GLIS3: variants seen among roughly 807,000 people sequenced by gnomAD.
GLIS3 encodes zinc finger protein GLIS3.
Under a neutral mutation model 78.6 loss-of-function variants are expected in GLIS3, and 53 were observed. That is an observed-to-expected ratio of 0.67 (90% CI 0.54 to 0.85). The LOEUF is 0.85. Ranked by LOEUF, GLIS3 falls within the 40% of genes least tolerant of loss-of-function variation. GLIS3 has a pLI of 0.00. For missense variants in GLIS3, 1,703 were observed against 1,231.1 expected, an observed-to-expected ratio of 1.38 and a Z score of -5.74; for synonymous variants, 684 against 509.9, an observed-to-expected ratio of 1.34 and a Z score of -4.60.
chr9:4,424,587 A>G, the GLIS3 span, among the ~76,000 whole-genome samples: 1 of 152,168 alleles, frequency 6.6e-6, no homozygotes, highest in East Asian at 1.9e-4. Context: ...TGTTTTTGAC[A>G]GAATTTCGCT....
At position 4,176,933 on chromosome 9, in the gene GLIS3, G is replaced by A. The variant is rs73396446; in HGVS notation, c.389-50992C>T. Among the ~76,000 whole-genome samples the A allele has an allele frequency of 4.7e-3, 711 of 152,250 alleles. 10 individuals carry two copies. The highest frequency in any genetic ancestry group is 0.016 in the African/African-American group (662 of 41,556). ...GCCACCATGCCCGGCCTCTTTTACC[G>A]TATTTCAAATGGTTTTTTCAGGACC... On this transcript the variant is annotated intron_variant, in intron 2 of 10. Transcript: ENST00000381971.
At chr9:4,381,009 T>A in the GLIS3 span, among the ~76,000 whole-genome samples, 1 of 151,920 alleles carries the variant, frequency 6.6e-6, no homozygotes, top group Non-Finnish European at 1.5e-5. Context: ...GGCCAGAGGG[T>A]AAGTAGTCTC....
the GLIS3 span, among the ~76,000 whole-genome samples, chr9:4,359,659 T>G: frequency 6.6e-6 from 1 of 152,208 alleles, no homozygotes; most frequent in African/African-American, 2.4e-5. Context: ...AATTTAATTT[T>G]AGAACTAAAA....
In GLIS3 at chr9:4,053,330, G is replaced by C. The variant is rs1825874227; in HGVS notation, c.1710+64438C>G. On this transcript the variant is annotated intron_variant, in intron 4 of 10. Coordinates refer to ENST00000381971, the MANE Select transcript of GLIS3 (RefSeq NM_001042413.2). ...GCAATAGCTTCTCCTTATCATCCAG[G>C]CCCAGCTCACTGACCACCTCCTGAG... Among the ~76,000 whole-genome samples, 3 of 152,002 alleles carry C rather than the reference G, an allele frequency of 2.0e-5. No individual in the cohort carries two copies. The South Asian group carries it at 6.2e-4, about 32-fold the overall frequency.
At chr9:4,030,714 A>G (rs1473069860) in intron 4 of GLIS3, among the ~76,000 whole-genome samples, 3 of 152,222 alleles carry the variant, frequency 2.0e-5, no homozygotes, top group African/African-American at 7.2e-5. Flanking sequence ...GGCACCTTTG[A>G]CCCCATCCCT....
intron 4 of GLIS3, among the ~76,000 whole-genome samples, chr9:4,043,986 G>A (rs1348241356): frequency 1.3e-5 from 2 of 152,154 alleles, no homozygotes; most frequent in African/African-American, 4.8e-5. Flanking sequence ...ACAATGGAAG[G>A]CAATATGATG....
chr9:3,858,702 A>G (rs1819954430), intron 8 of GLIS3, among the ~76,000 whole-genome samples: 1 of 152,144 alleles, frequency 6.6e-6, no homozygotes, highest in Non-Finnish European at 1.5e-5. Context: ...TTTGATTTGA[A>G]AAGGAAAGAA....
chr9:4,474,812 T>G, the GLIS3 span, among the ~76,000 whole-genome samples: 1 of 150,808 alleles, frequency 6.6e-6, no homozygotes. Flanking sequence ...TCCTCCCACA[T>G]CAGCCTCTGG....
At chr9:4,361,102 G>A in the GLIS3 span, among the ~76,000 whole-genome samples, 1 of 152,162 alleles carries the variant, frequency 6.6e-6, no homozygotes, top group Non-Finnish European at 1.5e-5. Context: ...AACACCTTTG[G>A]TCCCTACTTT....
upstream of GLIS3, among the ~76,000 whole-genome samples, chr9:4,351,622 T>G (rs1817973185): frequency 3.3e-5 from 5 of 152,268 alleles, no homozygotes; most frequent in Admixed American, 2.6e-4. Flanking sequence ...GAGAAAAAAG[T>G]ATGTAGTTCG....
intron 2 of GLIS3, among the ~76,000 whole-genome samples, chr9:4,262,049 A>G (rs1260657371): frequency 1.3e-5 from 2 of 152,154 alleles, no homozygotes; most frequent in South Asian, 2.1e-4. Flanking sequence ...GGAAAATAAA[A>G]CAGCAATGAA....
chr9:4,027,567 A>G (rs1200654481), intron 4 of GLIS3, among the ~76,000 whole-genome samples: 2 of 152,150 alleles, frequency 1.3e-5, no homozygotes, highest in African/African-American at 4.8e-5. Flanking sequence ...AGAATATTCT[A>G]ATTTAAATCT....
the GLIS3 span, among the ~76,000 whole-genome samples, chr9:4,420,655 C>T: frequency 1.3e-5 from 2 of 152,084 alleles, no homozygotes; most frequent in Admixed American, 6.6e-5. Context: ...GTTGAACAGC[C>T]GCTGATCTCT....
chr9:4,080,273 G>A (rs536092555), intron 4 of GLIS3, among the ~76,000 whole-genome samples: 1 of 152,224 alleles, frequency 6.6e-6, no homozygotes, highest in African/African-American at 2.4e-5. Flanking sequence ...CTCAGGTATT[G>A]TGCTAGGCAC....
At chr9:4,002,564 T>C (rs985117659) in intron 4 of GLIS3, among the ~76,000 whole-genome samples, 7 of 152,204 alleles carry the variant, frequency 4.6e-5, no homozygotes, top group Admixed American at 1.3e-4. Context: ...TATACTCTGA[T>C]TTGTATTAAC....
intron 4 of GLIS3, among the ~76,000 whole-genome samples, chr9:4,063,637 A>G (rs1826841118): frequency 6.6e-6 from 1 of 152,226 alleles, no homozygotes; most frequent in African/African-American, 2.4e-5. Context: ...TTAACTCACT[A>G]CTAGAACTCA....
the GLIS3 span, among the ~76,000 whole-genome samples, chr9:4,434,076 C>G: frequency 7.6e-6 from 1 of 132,354 alleles, no homozygotes; most frequent in Admixed American, 8.9e-5. Flanking sequence ...AGCCTGGTGA[C>G]AGAGTGAGAC....
At chr9:4,419,785 C>A in the GLIS3 span, among the ~76,000 whole-genome samples, 1 of 151,692 alleles carries the variant, frequency 6.6e-6, no homozygotes, top group Non-Finnish European at 1.5e-5. Context: ...GTCTCAAAAA[C>A]AAACAAACAA....
At chr9:4,446,165 A>G in the GLIS3 span, among the ~76,000 whole-genome samples, 2 of 152,172 alleles carry the variant, frequency 1.3e-5, no homozygotes. Flanking sequence ...TCCAAAATTC[A>G]TGTCGAAATT....
Sources: gnomAD v4.1 joint callset for allele counts (sites outside exome capture counted in the v4.1 genomes callset) on GRCh38, gnomAD v4.1.1 for gene constraint, MANE v1.5 for transcripts, NCBI Gene and HGNC (gene_info 2026-07-23, HGNC 2026-07-21) for gene names.